Variants in SDK1 observed in about 807,000 individuals in gnomAD.
SDK1 encodes protein sidekick-1.
In SDK1, 157 loss-of-function variants were observed where a neutral mutation model predicts 245.5. That is an observed-to-expected ratio of 0.64 (90% CI 0.56 to 0.73). The LOEUF is 0.73. Among genes scored for constraint, SDK1 ranks in the 30% least tolerant of loss-of-function variants. The pLI, the probability that SDK1 is intolerant of heterozygous loss-of-function variation, is 0.00. For synonymous variants in SDK1, 1,647 were observed against 1,278.5 expected, an observed-to-expected ratio of 1.29 and a Z score of -6.15; for missense variants, 3,583 against 3,002.3, an observed-to-expected ratio of 1.19 and a Z score of -4.52.
intron 4 of SDK1, among the ~76,000 whole-genome samples, chr7:3,798,366 C>G (rs11982518): frequency 2.4e-4 from 37 of 151,860 alleles, no homozygotes; most frequent in Middle Eastern, 3.4e-3. Flanking sequence ...TACAGGCGCC[C>G]GCCACCACGC....
intron 12 of SDK1, among the ~76,000 whole-genome samples, chr7:3,973,776 C>T (rs1782672762): frequency 6.6e-6 from 1 of 152,170 alleles, no homozygotes; most frequent in Non-Finnish European, 1.5e-5. Flanking sequence ...CAGGGCCAGT[C>T]ATTTTCATTG....
At chr7:3,713,469 A>G (rs940560909) in intron 4 of SDK1, among the ~76,000 whole-genome samples, 2 of 152,162 alleles carry the variant, frequency 1.3e-5, no homozygotes, top group East Asian at 1.9e-4. Context: ...TCCCACGGGA[A>G]TGGCTTCATT....
intron 44 of SDK1, among the ~76,000 whole-genome samples, chr7:4,247,090 A>G (rs1417330564): frequency 6.6e-6 from 1 of 152,228 alleles, no homozygotes; most frequent in Non-Finnish European, 1.5e-5. Context: ...AAAATCACCA[A>G]CCATTGGCTG....
intron 42 of SDK1, among the ~76,000 whole-genome samples, chr7:4,240,283 A>G (rs927209912): frequency 4.6e-5 from 7 of 152,180 alleles, no homozygotes; most frequent in Non-Finnish European, 7.3e-5. Context: ...ATTTAACATC[A>G]TAATTGAAGC....
intron 19 of SDK1, among the ~76,000 whole-genome samples, chr7:4,052,561 T>A (rs117704633): frequency 0.03 from 4,561 of 152,242 alleles, 95 homozygotes; most frequent in South Asian, 0.065. Flanking sequence ...AAAATGGTCA[T>A]GATATAACAT....
intron 1 of SDK1, among the ~76,000 whole-genome samples, chr7:3,523,025 A>C (rs1484847255): frequency 2.9e-5 from 1 of 34,174 alleles, no homozygotes; most frequent in Non-Finnish European, 5.7e-5. Context: ...CAAAATCGTA[A>C]ATTGGTAAAC....
intron 1 of SDK1, among the ~76,000 whole-genome samples, chr7:3,552,311 G>A (rs146768528): frequency 6.6e-6 from 1 of 152,270 alleles, no homozygotes; most frequent in South Asian, 2.1e-4. Context: ...AAAGTGTGGG[G>A]ATTACAGGTG....
intron 35 of SDK1, among the ~76,000 whole-genome samples, chr7:4,181,083 C>A (rs1192769612): frequency 6.6e-6 from 1 of 152,204 alleles, no homozygotes; most frequent in African/African-American, 2.4e-5. Context: ...AAATCCCATA[C>A]CTATGAAGCA....
At chr7:3,814,665 T>C (rs1298290918) in intron 4 of SDK1, among the ~76,000 whole-genome samples, 3 of 152,110 alleles carry the variant, frequency 2.0e-5, no homozygotes, top group Non-Finnish European at 1.5e-5. Flanking sequence ...CATTGGTAGC[T>C]TGATTGGGAT....
chr7:3,762,356 G>A (rs1780131279), intron 4 of SDK1, among the ~76,000 whole-genome samples: 1 of 152,216 alleles, frequency 6.6e-6, no homozygotes, highest in Non-Finnish European at 1.5e-5. Context: ...TAGTCCTGCA[G>A]GATGAAGGGC....
chr7:3,392,534 A>C (rs1016411473), intron 1 of SDK1, among the ~76,000 whole-genome samples: 1 of 152,154 alleles, frequency 6.6e-6, no homozygotes, highest in Non-Finnish European at 1.5e-5. Flanking sequence ...TCAGTGTTGT[A>C]TGGCCATCAC....
intron 1 of SDK1, among the ~76,000 whole-genome samples, chr7:3,444,763 G>A (rs1247266383): frequency 1.3e-5 from 2 of 152,154 alleles, no homozygotes; most frequent in South Asian, 2.1e-4. Context: ...CTAATGTCCA[G>A]TTTTATCTAA....
intron 5 of SDK1, among the ~76,000 whole-genome samples, chr7:3,880,401 A>C (rs1339121320): frequency 6.6e-6 from 1 of 152,148 alleles, no homozygotes; most frequent in African/African-American, 2.4e-5. Context: ...GAGAACCAGC[A>C]CGGGGCGGGG....
intron 1 of SDK1, among the ~76,000 whole-genome samples, chr7:3,369,408 A>G (rs931968823): frequency 5.9e-5 from 9 of 152,304 alleles, no homozygotes; most frequent in African/African-American, 2.2e-4. Flanking sequence ...TTTGTTCTAC[A>G]ATGACAGAGC....
At chr7:4,259,411 G>A (rs1787833688) in intron 44 of SDK1, among the ~76,000 whole-genome samples, 1 of 152,116 alleles carries the variant, frequency 6.6e-6, no homozygotes, top group African/African-American at 2.4e-5. Flanking sequence ...CTCTAGCCTG[G>A]GCTACAAGAG....
intron 28 of SDK1, among the ~76,000 whole-genome samples, chr7:4,144,768 C>A (rs1300512604): frequency 6.6e-6 from 1 of 152,192 alleles, no homozygotes; most frequent in Non-Finnish European, 1.5e-5. Context: ...AGTGCAGAGG[C>A]CACTCCACGA....
At chr7:4,175,394 C>T (rs1008044629) in intron 33 of SDK1, among the ~76,000 whole-genome samples, 39 of 152,336 alleles carry the variant, frequency 2.6e-4, no homozygotes, top group African/African-American at 9.1e-4. Flanking sequence ...GTGGTTTGCT[C>T]GGCTCCTCCA....
At chr7:3,786,243 C>A (rs901456157) in intron 4 of SDK1, among the ~76,000 whole-genome samples, 3 of 152,086 alleles carry the variant, frequency 2.0e-5, no homozygotes, top group Non-Finnish European at 4.4e-5. Context: ...AAAGTGCAGC[C>A]CTGTTTTGTA....
Position 3,973,128 on chromosome 7 carries a change from G to A in SDK1, c.1818-1241G>A, listed in dbSNP as rs138121146. ...AGATGGAACTGGGTTACTCGCTCTC[G>A]GGGTGCCCCTCGTCCCAGGGTTGCT... is the stretch of plus-strand genomic sequence containing the variant. On this transcript the variant is annotated intron_variant, in intron 12 of 44. Transcript: ENST00000404826. Among the ~76,000 whole-genome samples, 19 of 152,238 alleles carry A rather than the reference G, an allele frequency of 1.2e-4. No individual in the cohort carries two copies. In the South Asian group the frequency reaches 3.3e-3, roughly 27 times the overall value.
Sources: gnomAD v4.1 joint callset for allele counts (sites outside exome capture counted in the v4.1 genomes callset) on GRCh38, gnomAD v4.1.1 for gene constraint, MANE v1.5 for transcripts, NCBI Gene and HGNC (gene_info 2026-07-23, HGNC 2026-07-21) for gene names.